The following ZMIZ1 variants were observed in gnomAD, a reference collection of about 807,000 sequenced individuals.
ZMIZ1 encodes zinc finger MIZ-type containing 1, also known as zinc finger MIZ domain-containing protein 1.
A neutral mutation model predicts 113.9 loss-of-function variants in ZMIZ1; 17 were observed. The ratio of observed to expected loss-of-function variants is 0.15; its 90% CI spans 0.10 to 0.22. ZMIZ1 has a LOEUF of 0.22. Ranked by LOEUF, ZMIZ1 falls within the 10% of genes least tolerant of loss-of-function variation. ZMIZ1 has a pLI of 1.00. For missense variants in ZMIZ1, 1,059 were observed against 1,477.8 expected, an observed-to-expected ratio of 0.72 and a Z score of 4.65; for synonymous variants, 607 against 603.1, an observed-to-expected ratio of 1.01 and a Z score of -0.09.
chr10:79,237,986 C>A (rs1589462104), intron 7 of ZMIZ1, among the ~76,000 whole-genome samples: 1 of 152,204 alleles, frequency 6.6e-6, no homozygotes, highest in Non-Finnish European at 1.5e-5. Flanking sequence ...CTCAGTTAGC[C>A]AGGAGAGCAT....
At chr10:79,098,487 CT>C in intron 1 of ZMIZ1, among the ~76,000 whole-genome samples, 1 of 152,336 alleles carries the variant, frequency 6.6e-6, no homozygotes, top group African/African-American at 2.4e-5. Context: ...GACCACCTAT[CT>C]CGAAGGACTC....
At chr10:79,083,187 G>A (rs1842714185) in intron 1 of ZMIZ1, among the ~76,000 whole-genome samples, 1 of 152,214 alleles carries the variant, frequency 6.6e-6, no homozygotes, top group African/African-American at 2.4e-5. Context: ...GGTGATATAG[G>A]GACATGAGTG....
intron 7 of ZMIZ1, among the ~76,000 whole-genome samples, chr10:79,249,159 T>C (rs1312346400): frequency 6.6e-6 from 1 of 152,242 alleles, no homozygotes; most frequent in Non-Finnish European, 1.5e-5. Context: ...TCACTTCTGC[T>C]GCTTCCAGGC....
rs1174980856 is a variant in ZMIZ1 at position 79,165,948 on chromosome 10, CTGTGTGTGTGTGTGTG to C, written c.-50+3854_-50+3869del. Among the ~76,000 whole-genome samples the C allele has an allele frequency of 4.2e-4, 25 of 59,840 alleles. 1 individual carries two copies. Among genetic ancestry groups the C allele is most frequent in the South Asian group, 2.7e-3 (6 of 2,198 alleles). 39.3% of individuals were successfully genotyped at this position (59,840 alleles called of 152,430 possible). On this transcript the variant is annotated intron_variant, in intron 4 of 24. Transcript: ENST00000334512. ...CCTTGGCCTCCAAGCCCCAGCTCAG[CTGTGTGTGTGTGTGTG>C]TGTGTGTGTGTGTGTGTGTGTGTGT...
chr10:79,087,168 G>T (rs529647571), intron 1 of ZMIZ1, among the ~76,000 whole-genome samples: 1 of 152,238 alleles, frequency 6.6e-6, no homozygotes, highest in African/African-American at 2.4e-5. Context: ...GTGTGGTAGC[G>T]CATGTTGCGC....
intron 4 of ZMIZ1, among the ~76,000 whole-genome samples, chr10:79,197,601 CACACACACAT>C (rs60977722): frequency 0.02 from 2,831 of 138,824 alleles, 108 homozygotes; most frequent in African/African-American, 0.077. Flanking sequence ...ACCATACACA[CACACACACAT>C]ACACACACAC....
intron 23 of ZMIZ1, among the ~76,000 whole-genome samples, 184 bp from the exon 24 acceptor site, chr10:79,310,740 G>T (rs1346057105): frequency 6.6e-6 from 1 of 152,116 alleles, no homozygotes; most frequent in Non-Finnish European, 1.5e-5. Context: ...TCCCTGATGG[G>T]CGGTTTTGGG....
intron 1 of ZMIZ1, among the ~76,000 whole-genome samples, chr10:79,084,277 T>C (rs887806424): frequency 6.6e-6 from 1 of 152,216 alleles, no homozygotes; most frequent in South Asian, 2.1e-4. Flanking sequence ...CCACACTCTA[T>C]TGCAAGGGAT....
intron 10 of ZMIZ1, among the ~76,000 whole-genome samples, chr10:79,291,492 T>C (rs1853491364): frequency 6.6e-6 from 1 of 152,184 alleles, no homozygotes. Flanking sequence ...ATTGAGAAAA[T>C]CTGGATTGGG....
chr10:79,263,481 C>T lies in ZMIZ1; in HGVS notation c.281-13700C>T, dbSNP rs964297532. ...GTTCCTCTCCTGCCCCTTGTTACCA[C>T]GGCACAGGTCTCCTGAGTCACTCTT... On this transcript the variant is annotated intron_variant, in intron 7 of 24. Coordinates refer to ENST00000334512, the MANE Select transcript of ZMIZ1 (RefSeq NM_020338.4). Among the ~76,000 whole-genome samples, 7 of 152,168 alleles carry T rather than the reference C, an allele frequency of 4.6e-5. No individual in the cohort carries two copies. In the South Asian group the frequency reaches 1.5e-3, roughly 32 times the overall value.
intron 4 of ZMIZ1, among the ~76,000 whole-genome samples, chr10:79,198,855 G>A (rs938690102): frequency 4.6e-5 from 7 of 152,078 alleles, no homozygotes; most frequent in Non-Finnish European, 1.0e-4. Context: ...CCAGTATGGT[G>A]AAACCCCATC....
chr10:79,143,634 G>A (rs570407867), intron 3 of ZMIZ1, among the ~76,000 whole-genome samples: 1 of 152,294 alleles, frequency 6.6e-6, no homozygotes, highest in African/African-American at 2.4e-5. Context: ...GTGGTGGGGG[G>A]ACAGGTAAAG....
chr10:79,216,092 A>G, intron 6 of ZMIZ1, 77 bp from the exon 7 acceptor site: 1 of 1,104,944 alleles, frequency 9.1e-7, no homozygotes, highest in Non-Finnish European at 1.2e-6. Flanking sequence ...CACCTCACCC[A>G]CTTCACCTGC....
At chr10:79,233,689 A>G (rs918171364) in intron 7 of ZMIZ1, among the ~76,000 whole-genome samples, 11 of 149,970 alleles carry the variant, frequency 7.3e-5, no homozygotes, top group Non-Finnish European at 1.6e-4. Context: ...GCGTCACCCC[A>G]GACTGCTGGC....
intron 1 of ZMIZ1, among the ~76,000 whole-genome samples, chr10:79,099,987 T>C (rs1184149699): frequency 2.0e-5 from 3 of 152,020 alleles, no homozygotes; most frequent in African/African-American, 4.8e-5. Flanking sequence ...ATCACCACAG[T>C]GCAGGTCCTC....
At position 79,313,050 on chromosome 10, in the gene ZMIZ1, G is replaced by A. The variant is rs1855303243; in HGVS notation, c.*301G>A. On this transcript the variant is annotated 3_prime_UTR_variant, in exon 25 of 25. Transcript: ENST00000334512. Reference sequence around the variant, plus strand: ...CGAGAGGAACCAGCCCGGTAAGAGGGCACACGCTGATGCGGCTTCCCGGTC... The same window carrying A: ...CGAGAGGAACCAGCCCGGTAAGAGGACACACGCTGATGCGGCTTCCCGGTC... The A allele has an allele frequency of 2.4e-6, 1 of 413,396 alleles. No individual in the cohort carries two copies. The highest frequency in any genetic ancestry group is 3.3e-5 in the South Asian group (1 of 30,766). The allele number at this position is 413,396 out of a possible 1,614,324, so 25.6% of individuals were successfully genotyped here.
intron 1 of ZMIZ1, among the ~76,000 whole-genome samples, chr10:79,101,856 T>TG (rs1843375381): frequency 6.6e-6 from 1 of 152,158 alleles, no homozygotes; most frequent in African/African-American, 2.4e-5. Context: ...CTCCCCTCTC[T>TG]GAGGATGTGA....
At chr10:79,210,901 A>T (rs549950533) in intron 6 of ZMIZ1, among the ~76,000 whole-genome samples, 2 of 152,278 alleles carry the variant, frequency 1.3e-5, no homozygotes, top group South Asian at 4.1e-4. Context: ...AGAGGGCCTC[A>T]TGAGATCTGG....
At chr10:79,260,716 A>G (rs1017398970) in intron 7 of ZMIZ1, among the ~76,000 whole-genome samples, 1 of 152,224 alleles carries the variant, frequency 6.6e-6, no homozygotes, top group African/African-American at 2.4e-5. Context: ...ATCGGATGTG[A>G]TGGGGAAACT....
Sources: gnomAD v4.1 joint callset for allele counts (sites outside exome capture counted in the v4.1 genomes callset) on GRCh38, gnomAD v4.1.1 for gene constraint, MANE v1.5 for transcripts, NCBI Gene and HGNC (gene_info 2026-07-23, HGNC 2026-07-21) for gene names.